Variants in PHF20L1 observed in about 807,000 individuals in gnomAD.
PHF20L1 encodes PHD finger protein 20 like 1.
A neutral mutation model predicts 125.5 loss-of-function variants in PHF20L1; 44 were observed. The ratio of observed to expected loss-of-function variants is 0.35; its 90% CI spans 0.28 to 0.45. The LOEUF (loss-of-function observed/expected upper bound fraction) is 0.45. PHF20L1 is among the 20% of genes least tolerant of loss of function. PHF20L1 has a pLI of 1.00. For synonymous variants in PHF20L1, 380 were observed against 403.1 expected (o/e 0.94, Z 0.69); for missense variants, 1,012 against 1,217.2 (o/e 0.83, Z 2.51).
chr8:132,837,054 TATA>T (rs538333773), intron 16 of PHF20L1, among the ~76,000 whole-genome samples: 25 of 152,112 alleles, frequency 1.6e-4, no homozygotes, highest in African/African-American at 3.6e-4. Flanking sequence ...TGTGAATTAT[TATA>T]ATAATAATTT....
At chr8:132,835,355 T>G (rs1460824578) in intron 15 of PHF20L1, among the ~76,000 whole-genome samples, 1 of 152,150 alleles carries the variant, frequency 6.6e-6, no homozygotes, top group Non-Finnish European at 1.5e-5. Flanking sequence ...TGTCAGGAGC[T>G]CACACAGCAT....
chr8:132,814,721 T>C lies in PHF20L1; in HGVS notation c.1015T>C (p.Ser339Pro), dbSNP rs1254073286. The stretch of plus-strand genomic sequence containing the variant: ...CAACACTCAGAAACCTGCACTGTTA[T>C]CCTCAACTTTGTCTTCAGGGAAGGC... Reference protein sequence around the residue: ...SANTQKPALLSSTLSSGKARS... With the variant: ...SANTQKPALLPSTLSSGKARS... The change falls in exon 10 of 21, where the codon TCC becomes CCC. Residue 339 changes from serine to proline, a missense_variant. Ser to Pro is a moderately conservative substitution (Grantham distance 74). This residue lies in a region of PHF20L1 where 119 missense variants were observed against 160.2 expected (regional missense o/e 0.74). Coordinates refer to ENST00000395386, the MANE Select transcript of PHF20L1 (RefSeq NM_016018.5). The C allele has an allele frequency of 1.9e-6, 3 of 1,612,890 alleles. No individual in the cohort carries two copies. The highest frequency in any genetic ancestry group is 1.7e-6 in the Non-Finnish European group (2 of 1,179,106).
At chr8:132,836,758 T>C (rs537302305) in intron 16 of PHF20L1, 37 bp downstream of exon 16, 1 of 1,450,628 alleles carries the variant, frequency 6.9e-7, no homozygotes, top group Admixed American at 1.7e-5. Flanking sequence ...AATGAGTTAG[T>C]TGTTTCAGGT....
At chr8:132,784,339 G>T (rs11998375) in intron 2 of PHF20L1, among the ~76,000 whole-genome samples, 16,044 of 152,106 alleles carry the variant, frequency 0.11, 1,055 homozygotes, top group East Asian at 0.35. Context: ...ATAAAATATG[G>T]ATTTTAAGTG....
At chr8:132,831,094 G>A (rs550290651) in intron 14 of PHF20L1, among the ~76,000 whole-genome samples, 42 of 152,086 alleles carry the variant, frequency 2.8e-4, no homozygotes, top group African/African-American at 8.7e-4. Context: ...CCACTTCTAT[G>A]TGTGCCTTCC....
At chr8:132,835,408 A>T (rs553906278) in intron 15 of PHF20L1, among the ~76,000 whole-genome samples, 3 of 152,244 alleles carry the variant, frequency 2.0e-5, no homozygotes, top group Non-Finnish European at 4.4e-5. Flanking sequence ...TTTTCCTAAC[A>T]TTTCTCCATC....
chr8:132,842,334 T>G (rs771539772), intron 18 of PHF20L1, 181 bp from the exon 19 acceptor site: 18 of 473,078 alleles, frequency 3.8e-5, no homozygotes, highest in Admixed American at 3.0e-4. Flanking sequence ...ATTATTTCTT[T>G]AATTGAGAAG....
At chr8:132,783,126 A>G (rs1029039577) in intron 2 of PHF20L1, among the ~76,000 whole-genome samples, 7 of 152,228 alleles carry the variant, frequency 4.6e-5, no homozygotes, top group Non-Finnish European at 1.0e-4. Flanking sequence ...TAATCTTAAA[A>G]TAAATTTGAA....
At position 132,832,276 on chromosome 8, in the gene PHF20L1, A is replaced by G. The variant is rs536795999; in HGVS notation, c.1786A>G (p.Arg596Gly). The G allele has an allele frequency of 3.1e-6, 5 of 1,605,820 alleles. No individual in the cohort carries two copies. In the African/African-American group the frequency reaches 5.3e-5, roughly 17 times the overall value. ...AGACAGTTCCCTCGAATTTTTGGAAAGGTGCTCTTCTCCACTAACTCGATC... is the reference window on the plus strand; with the variant it reads ...AGACAGTTCCCTCGAATTTTTGGAAGGGTGCTCTTCTCCACTAACTCGATC... Reference protein sequence around the residue: ...YEDSSLEFLERCSSPLTRSSG... With the variant: ...YEDSSLEFLEGCSSPLTRSSG... The change falls in exon 15 of 21, where the codon AGG becomes GGG. Residue 596 changes from arginine (R) to glycine (G), a missense_variant. This residue lies in a region of PHF20L1 where 320 missense variants were observed against 293.8 expected (regional missense o/e 1.09). Coordinates refer to ENST00000395386, the MANE Select transcript of PHF20L1 (RefSeq NM_016018.5).
intron 11 of PHF20L1, 75 bp from the exon 12 acceptor site, chr8:132,817,264 A>T: frequency 8.0e-7 from 1 of 1,254,696 alleles, no homozygotes; most frequent in Non-Finnish European, 1.1e-6. Flanking sequence ...ATTATGTAAC[A>T]CTTTAATTCA....
chr8:132,794,352 G>T, intron 2 of PHF20L1, 58 bp from the exon 3 acceptor site: 1 of 1,071,318 alleles, frequency 9.3e-7, no homozygotes, highest in Non-Finnish European at 1.4e-6. Flanking sequence ...TATGTATAAT[G>T]CTTTGTATAA....
intron 8 of PHF20L1, chr8:132,808,389 G>T (rs975590536): frequency 3.3e-5 from 5 of 151,858 alleles, no homozygotes; most frequent in African/African-American, 9.7e-5. Flanking sequence ...TTTACTACTT[G>T]TGGTACCTTA....
chr8:132,836,604 A>G lies in PHF20L1; in HGVS notation c.1974A>G (p.Glu658=), dbSNP rs1264772545. Residue 658 remains glutamate (E), a synonymous_variant, in exon 16 of 21, where the codon GAA becomes GAG. Transcript: ENST00000395386. The part of the protein sequence containing the change: ...STESLLLSGD[E]YNQDFDSTNF... ...AGAGTTTGCTTCTGAGTGGGGATGA[A>G]TACAATCAGGACTTTGATTCAACCA... 6.2e-7 allele frequency: 1 copy of G among 1,612,320 alleles called. No homozygotes were observed. Among genetic ancestry groups the G allele is most frequent in the Non-Finnish European group, 8.5e-7 (1 of 1,178,704 alleles).
chr8:132,834,860 A>G (rs1837166797), intron 15 of PHF20L1, among the ~76,000 whole-genome samples: 1 of 151,898 alleles, frequency 6.6e-6, no homozygotes, highest in Non-Finnish European at 1.5e-5. Flanking sequence ...TTTCTTTATT[A>G]TCTATTTCTG....
At chr8:132,802,569 G>A (rs1224630075) in intron 6 of PHF20L1, among the ~76,000 whole-genome samples, 1 of 151,630 alleles carries the variant, frequency 6.6e-6, no homozygotes, top group Non-Finnish European at 1.5e-5. Context: ...TATCAGTTGC[G>A]GTCGCTTGAA....
chr8:132,847,348 CTG>C lies in PHF20L1; in HGVS notation c.*1427_*1428del, dbSNP rs1838493330. On this transcript the variant is annotated 3_prime_UTR_variant, in exon 21 of 21. Coordinates refer to ENST00000395386, the MANE Select transcript of PHF20L1 (RefSeq NM_016018.5). ...AAATTTTTTTAAAAGGGGAGAAAGA[CTG>C]TTAAGAGGAGGCTATTTGATGACAT... The C allele has an allele frequency of 2.0e-5, 3 of 152,550 alleles. No homozygotes were observed. The South Asian group carries it at 6.2e-4, about 32-fold the overall frequency. The allele number at this position is 152,550 out of a possible 1,614,324, so 9.4% of individuals were successfully genotyped here.
intron 8 of PHF20L1, among the ~76,000 whole-genome samples, chr8:132,805,132 G>C (rs1036432082): frequency 9.9e-5 from 15 of 151,812 alleles, no homozygotes; most frequent in African/African-American, 3.6e-4. Flanking sequence ...CTTACTTAAG[G>C]ATGGTGCCAT....
intron 9 of PHF20L1, chr8:132,811,589 G>A: frequency 7.1e-6 from 7 of 982,964 alleles, no homozygotes; most frequent in Non-Finnish European, 7.2e-6. Flanking sequence ...TTGCTAGGAT[G>A]TATATTTTAA....
Position 132,803,987 on chromosome 8 carries a change from G to C in PHF20L1, c.676G>C (p.Asp226His), listed in dbSNP as rs749333542. ...AACTTCAACTTGTATAGCCACACCA[G>C]ACGTAGAGAAGAAGGAAGATCTGCC... Reference protein sequence around the residue: ...EETSTCIATPDVEKKEDLPTS... With the variant: ...EETSTCIATPHVEKKEDLPTS... The change falls in exon 7 of 21, where the codon GAC becomes CAC. Residue 226 changes from aspartate (D) to histidine (H), a missense_variant. By Grantham distance (81) the Asp-to-His change is moderately conservative (BLOSUM62 -1). Around this residue, in one of 7 missense-constraint regions of PHF20L1, gnomAD observed 134 missense variants for 145.9 expected, o/e 0.92. Coordinates refer to ENST00000395386, the MANE Select transcript of PHF20L1 (RefSeq NM_016018.5). 6.2e-7 allele frequency: 1 copy of C among 1,612,152 alleles called. No individual in the cohort carries two copies. The highest frequency in any genetic ancestry group is 8.5e-7 in the Non-Finnish European group (1 of 1,178,692).
Sources: gnomAD v4.1 joint callset for allele counts (sites outside exome capture counted in the v4.1 genomes callset) on GRCh38, gnomAD v4.1.1 for gene constraint, gnomAD v4.1.1 regional missense constraint, MANE v1.5 for transcripts, NCBI Gene and HGNC (gene_info 2026-07-23, HGNC 2026-07-21) for gene names.